The following HERC1 variants were observed in gnomAD, a reference collection of about 807,000 sequenced individuals.
HERC1 encodes HECT and RLD domain containing E3 ubiquitin protein ligase family member 1.
Under a neutral mutation model 554.3 loss-of-function variants are expected in HERC1, and 160 were observed. The observed-to-expected ratio is 0.29, with a 90% CI of 0.25 to 0.33. The LOEUF is 0.33. Among genes scored for constraint, HERC1 ranks in the 10% least tolerant of loss-of-function variants. The probability of loss-of-function intolerance (pLI) is 1.00; values close to 1 mark genes in which losing one functional copy is unlikely to be tolerated. For synonymous variants in HERC1, 2,175 were observed against 2,131.7 expected, an observed-to-expected ratio of 1.02 and a Z score of -0.56; for missense variants, 4,919 against 5,918.5, an observed-to-expected ratio of 0.83 and a Z score of 5.54.
Position 63,640,339 on chromosome 15 carries a change from A to C in HERC1, c.11714T>G (p.Val3905Gly). The change falls in exon 61 of 78, where the codon GTG becomes GGG. Residue 3905 changes from valine to glycine, a missense_variant. Around this residue, in one of 11 missense-constraint regions of HERC1, gnomAD observed 1,963 missense variants for 2,228.6 expected, o/e 0.88. Transcript: ENST00000443617. ...HLDQLLCNPP[V>G]PPHHQNCLPD... ...GAGACAGTTCTGGTGGTGTGGTGGCACTGGAGGGTTACACAACAGCTGATC... is the reference window on the plus strand; with the variant it reads ...GAGACAGTTCTGGTGGTGTGGTGGCCCTGGAGGGTTACACAACAGCTGATC... 6.2e-7 allele frequency: 1 copy of C among 1,613,882 alleles called. No homozygotes were observed. The highest frequency in any genetic ancestry group is 8.5e-7 in the Non-Finnish European group (1 of 1,179,792).
At chr15:63,732,197 C>T (rs1188483893) in intron 14 of HERC1, among the ~76,000 whole-genome samples, 4 of 152,076 alleles carry the variant, frequency 2.6e-5, no homozygotes, top group African/African-American at 9.7e-5. Flanking sequence ...GACGGGGTTT[C>T]ACCATATCGG....
At chr15:63,732,121 C>T (rs2074322274) in intron 14 of HERC1, among the ~76,000 whole-genome samples, 2 of 152,050 alleles carry the variant, frequency 1.3e-5, no homozygotes, top group Non-Finnish European at 2.9e-5. Context: ...CCACCTCGGC[C>T]TCCTGAGTAG....
chr15:63,743,883 A>T (rs2074928614), intron 12 of HERC1, among the ~76,000 whole-genome samples: 1 of 152,060 alleles, frequency 6.6e-6, no homozygotes, highest in Non-Finnish European at 1.5e-5. Flanking sequence ...TTGAAGAGTT[A>T]GGTATTTATT....
chr15:63,787,301 C>T (rs1471860695), intron 1 of HERC1, among the ~76,000 whole-genome samples: 2 of 151,618 alleles, frequency 1.3e-5, no homozygotes, highest in East Asian at 3.9e-4. Context: ...GGACTACAGG[C>T]ATGCACCACC....
intron 26 of HERC1, among the ~76,000 whole-genome samples, chr15:63,698,337 G>T (rs964572616): frequency 6.7e-6 from 1 of 148,632 alleles, no homozygotes; most frequent in African/African-American, 2.5e-5. Flanking sequence ...AGAATCACTT[G>T]AACCCAGGAG....
intron 13 of HERC1, 25 bp from the exon 14 acceptor site, chr15:63,733,170 A>C: frequency 6.7e-7 from 1 of 1,483,448 alleles, no homozygotes; most frequent in Non-Finnish European, 9.4e-7. Flanking sequence ...AATAGGAACA[A>C]GTAACTAGCG....
At chr15:63,802,221 T>C (rs2077014656) in intron 1 of HERC1, among the ~76,000 whole-genome samples, 1 of 152,230 alleles carries the variant, frequency 6.6e-6, no homozygotes, top group Admixed American at 6.5e-5. Context: ...GGTACTCTTA[T>C]TCATTAAACC....
chr15:63,633,254 T>C (rs2068639308), intron 67 of HERC1, among the ~76,000 whole-genome samples: 1 of 152,246 alleles, frequency 6.6e-6, no homozygotes, highest in Admixed American at 6.5e-5. Flanking sequence ...TGTCACAGAC[T>C]ATAAATGGTG....
At chr15:63,644,076 CT>C (rs1566966808) in intron 57 of HERC1, among the ~76,000 whole-genome samples, 1 of 152,224 alleles carries the variant, frequency 6.6e-6, no homozygotes, top group African/African-American at 2.4e-5. Context: ...CCAGACCTAT[CT>C]GTAGTACTCC....
At chr15:63,704,119 AC>A (rs2072877456) in intron 25 of HERC1, among the ~76,000 whole-genome samples, 2 of 146,382 alleles carry the variant, frequency 1.4e-5, no homozygotes, top group African/African-American at 2.4e-5. Flanking sequence ...GAAAAAAAAT[AC>A]AGTCATTTAT....
At chr15:63,824,144 TTGA>T (rs1302392284) in intron 1 of HERC1, among the ~76,000 whole-genome samples, 1 of 151,974 alleles carries the variant, frequency 6.6e-6, no homozygotes, top group African/African-American at 2.4e-5. Flanking sequence ...GAGATAAGTG[TTGA>T]TGAGGGAGTG....
intron 42 of HERC1, among the ~76,000 whole-genome samples, chr15:63,664,919 C>G (rs1255601428): frequency 1.3e-5 from 2 of 152,120 alleles, no homozygotes; most frequent in Non-Finnish European, 2.9e-5. Flanking sequence ...ATTGAGAATT[C>G]TTGCCTAGGA....
chr15:63,643,546 C>G lies in HERC1; in HGVS notation c.11189G>C (p.Gly3730Ala), dbSNP rs1361311854. 6.3e-7 allele frequency: 1 copy of G among 1,579,904 alleles called. No homozygotes were observed. Among genetic ancestry groups the G allele is most frequent in the African/African-American group, 1.4e-5 (1 of 73,962 alleles). The change falls in exon 58 of 78, where the codon GGA becomes GCA. Residue 3730 changes from glycine to alanine, a missense_variant. Physicochemically the swap from Gly to Ala is moderately conservative, Grantham distance 60. Around this residue, in one of 11 missense-constraint regions of HERC1, gnomAD observed 1,963 missense variants for 2,228.6 expected, o/e 0.88. Coordinates refer to ENST00000443617, the MANE Select transcript of HERC1 (RefSeq NM_003922.4). ...WWEQESNCQD[G>A]YRKSSGAKCV... ...CTTGGCTCCTGATGATTTCCTATAT[C>G]CATCCTGAAATTCATTATTTTTAAC... is the stretch of plus-strand genomic sequence containing the variant.
chr15:63,622,271 A>G (rs1421622279), intron 74 of HERC1, among the ~76,000 whole-genome samples: 1 of 148,758 alleles, frequency 6.7e-6, no homozygotes, highest in Non-Finnish European at 1.5e-5. Flanking sequence ...TCCCCTCTAT[A>G]TTATCATTGA....
intron 70 of HERC1, among the ~76,000 whole-genome samples, chr15:63,628,016 T>C (rs930998946): frequency 6.6e-6 from 1 of 152,246 alleles, no homozygotes. Context: ...GGTGAGGAAT[T>C]TGACAAATGG....
chr15:63,819,922 G>A (rs1413061319), intron 1 of HERC1, among the ~76,000 whole-genome samples: 1 of 152,078 alleles, frequency 6.6e-6, no homozygotes, highest in Non-Finnish European at 1.5e-5. Flanking sequence ...TGCAAATAAG[G>A]TTTTACCCCA....
chr15:63,747,110 T>C (rs565927025), intron 11 of HERC1, 27 bp from the exon 12 acceptor site: 1 of 1,575,898 alleles, frequency 6.3e-7, no homozygotes, highest in South Asian at 1.2e-5. Context: ...GTCTATGAAT[T>C]CTCGGATCAT....
Position 63,680,575 on chromosome 15 carries a change from T to C in HERC1, c.6427A>G (p.Met2143Val). The change falls in exon 35 of 78, where the codon ATG becomes GTG. Residue 2143 changes from methionine to valine, a missense_variant. This residue lies in a region of HERC1 where 85 missense variants were observed against 163.2 expected (regional missense o/e 0.52). Coordinates refer to ENST00000443617, the MANE Select transcript of HERC1 (RefSeq NM_003922.4). This position sits in a 1 kb window ranked among gnomAD's most constrained non-coding sequence, Gnocchi z 5.8. ...QGDFITCVLD[M>V]EARTISFGKN... ...CCAAAAGAAATGGTCCTGGCTTCCA[T>C]GTCTAACACACAGGTAATGAAATCT... 2 of 1,613,832 alleles carry C rather than the reference T, an allele frequency of 1.2e-6. No homozygotes were observed. Among genetic ancestry groups the C allele is most frequent in the Non-Finnish European group, 8.5e-7 (1 of 1,179,752 alleles).
Position 63,661,821 on chromosome 15 carries a change from C to A in HERC1, c.9102G>T (p.Leu3034=), listed in dbSNP as rs750488687. 4 of 1,613,886 alleles carry A rather than the reference C, an allele frequency of 2.5e-6. No individual in the cohort carries two copies. Among genetic ancestry groups the A allele is most frequent in the Non-Finnish European group, 3.4e-6 (4 of 1,179,888 alleles). The change falls in exon 45 of 78, where the codon CTG becomes CTT. Residue 3034 remains leucine, a synonymous_variant. Transcript: ENST00000443617. ...ACTTCTCCCTGCAGGTGCCACATAA[C>A]AGGTAGTACGGATTTCCACTCCCAC... is the stretch of plus-strand genomic sequence containing the variant. ...GECGSGNPYY[L]LCGTCREKYL...
Sources: gnomAD v4.1 joint callset for allele counts (sites outside exome capture counted in the v4.1 genomes callset) on GRCh38, gnomAD v4.1.1 for gene constraint, gnomAD v4.1.1 regional missense constraint, Gnocchi (gnomAD v3.1) non-coding constraint, MANE v1.5 for transcripts, NCBI Gene and HGNC (gene_info 2026-07-23, HGNC 2026-07-21) for gene names.